The following SESTD1 variants were observed in gnomAD, a reference collection of about 807,000 sequenced individuals.
SESTD1 encodes the protein SEC14 and spectrin domain containing 1, also known as SEC14 domain and spectrin repeat-containing protein 1.
Under a neutral mutation model 101.7 loss-of-function variants are expected in SESTD1, and 43 were observed. The observed-to-expected ratio is 0.42, with a 90% CI of 0.33 to 0.55. SESTD1 has a LOEUF of 0.55. Ranked by LOEUF, SESTD1 falls within the 20% of genes least tolerant of loss-of-function variation. The pLI is 0.07. For synonymous variants in SESTD1, 283 were observed against 286.8 expected (o/e 0.99, Z 0.13); for missense variants, 647 against 815.1 (o/e 0.79, Z 2.51).
intron 16 of SESTD1, among the ~76,000 whole-genome samples, chr2:179,114,626 C>T (rs2044587098): frequency 6.7e-6 from 1 of 148,506 alleles, no homozygotes; most frequent in African/African-American, 2.6e-5. Context: ...TTACTTTTGT[C>T]CTTATTCTTA....
intron 16 of SESTD1, 104 bp downstream of exon 16, chr2:179,114,961 A>G (rs1434196258): frequency 7.3e-6 from 7 of 959,046 alleles, no homozygotes; most frequent in Non-Finnish European, 1.1e-5. Context: ...TAATATAAAT[A>G]TTGAAAAATA....
chr2:179,154,080 CAAAAA>C (rs748598701), intron 5 of SESTD1, among the ~76,000 whole-genome samples: 1 of 60,760 alleles, frequency 1.6e-5, no homozygotes. Context: ...CCAATCTCTA[CAAAAA>C]AAAAAAAAAA....
At chr2:179,144,823 T>A (rs929707475) in intron 8 of SESTD1, among the ~76,000 whole-genome samples, 1 of 151,992 alleles carries the variant, frequency 6.6e-6, no homozygotes. Flanking sequence ...TAGTAGCATA[T>A]AAAATTAAAT....
Position 179,123,614 on chromosome 2 carries a change from TACTA to T in SESTD1, c.1282+97_1282+100del, listed in dbSNP as rs1453422381. On this transcript the variant is annotated intron_variant, in intron 12 of 17. Coordinates refer to ENST00000428443, the MANE Select transcript of SESTD1 (RefSeq NM_178123.5). ...CTATTTTTCTGTTTCCTGAAAATAATACTAATTAGTTCAGTGTAAGTTGACTTAA... is the reference window on the plus strand; with the variant it reads ...CTATTTTTCTGTTTCCTGAAAATAATATTAGTTCAGTGTAAGTTGACTTAA... 8.8e-5 allele frequency: 61 copies of T among 694,802 alleles called. No individual in the cohort carries two copies. In the South Asian group the frequency reaches 1.3e-3, roughly 15 times the overall value. 43.0% of individuals were successfully genotyped at this position (694,802 alleles called of 1,614,324 possible).
intron 1 of SESTD1, among the ~76,000 whole-genome samples, chr2:179,249,957 T>C (rs760613689): frequency 6.1e-5 from 9 of 148,752 alleles, no homozygotes; most frequent in African/African-American, 7.4e-5. Context: ...TGGACTTAAA[T>C]GAAAAGTGAA....
intron 1 of SESTD1, among the ~76,000 whole-genome samples, chr2:179,252,519 G>C (rs10185803): frequency 0.29 from 44,341 of 152,010 alleles, 6,829 homozygotes; most frequent in South Asian, 0.43. Flanking sequence ...CTTCCTATCT[G>C]CTGCCTCAGG....
chr2:179,188,399 G>GT (rs1259794025), intron 2 of SESTD1, among the ~76,000 whole-genome samples: 1 of 152,144 alleles, frequency 6.6e-6, no homozygotes, highest in Non-Finnish European at 1.5e-5. Context: ...GTGATACAAC[G>GT]TATCAAAGTG....
At chr2:179,259,448 T>G (rs369758027) in intron 1 of SESTD1, among the ~76,000 whole-genome samples, 51 of 152,250 alleles carry the variant, frequency 3.3e-4, no homozygotes, top group African/African-American at 1.2e-3. Flanking sequence ...CAGGCTGGTC[T>G]TGAACTCCTG....
At chr2:179,245,782 C>T (rs2047220999) in intron 1 of SESTD1, among the ~76,000 whole-genome samples, 1 of 151,980 alleles carries the variant, frequency 6.6e-6, no homozygotes, top group African/African-American at 2.4e-5. Context: ...AAATGGCAGA[C>T]GTAAGCCCTA....
chr2:179,158,344 C>T (rs1026052604), intron 5 of SESTD1, among the ~76,000 whole-genome samples: 9 of 152,156 alleles, frequency 5.9e-5, no homozygotes, highest in African/African-American at 1.9e-4. Context: ...TCTATCCACA[C>T]TGGTTAGCCT....
At chr2:179,215,158 T>C (rs143478583) in intron 1 of SESTD1, among the ~76,000 whole-genome samples, 10,579 of 133,182 alleles carry the variant, frequency 0.079, 2,378 homozygotes, top group South Asian at 0.21. Context: ...CTGAAGGAGA[T>C]AGAGACACAA....
intron 1 of SESTD1, among the ~76,000 whole-genome samples, chr2:179,260,138 A>C (rs1488798089): frequency 6.6e-6 from 1 of 152,110 alleles, no homozygotes; most frequent in East Asian, 1.9e-4. Flanking sequence ...CATTTTTTTC[A>C]TTTTTGTTAG....
intron 8 of SESTD1, among the ~76,000 whole-genome samples, chr2:179,145,577 T>C (rs113197306): frequency 1.1e-4 from 17 of 152,352 alleles, no homozygotes; most frequent in African/African-American, 3.1e-4. Flanking sequence ...CTCTTAGAGT[T>C]TGTGAAACTG....
At chr2:179,112,653 T>G in intron 17 of SESTD1, 71 bp downstream of exon 17, 1 of 1,464,140 alleles carries the variant, frequency 6.8e-7, no homozygotes, top group Non-Finnish European at 9.0e-7. Flanking sequence ...AAAGAATAGA[T>G]TTCCTCTTTT....
rs181663750 is a variant in SESTD1 at position 179,243,820 on chromosome 2, G to T, written c.-26+20679C>A. 3.7e-3 allele frequency among the ~76,000 whole-genome samples: 561 copies of T among 151,828 alleles called. 5 individuals carry two copies. The highest frequency in any genetic ancestry group is 6.6e-3 in the Non-Finnish European group (448 of 67,916). ...TATTGGGTACTTTACTCACTACCTGGGTGACAGGACCATTCATACCCTAAC... is the reference window on the plus strand; with the variant it reads ...TATTGGGTACTTTACTCACTACCTGTGTGACAGGACCATTCATACCCTAAC... On this transcript the variant is annotated intron_variant, in intron 1 of 17. Transcript: ENST00000428443.
chr2:179,245,515 CAAAAAAAAA>C (rs59103658), intron 1 of SESTD1, among the ~76,000 whole-genome samples: 8 of 45,178 alleles, frequency 1.8e-4, no homozygotes, highest in Non-Finnish European at 3.2e-4. Context: ...GACTCTGTCT[CAAAAAAAAA>C]AAAAAAAAAA....
chr2:179,163,833 C>T (rs778255560), intron 5 of SESTD1, among the ~76,000 whole-genome samples: 1 of 152,058 alleles, frequency 6.6e-6, no homozygotes, highest in Non-Finnish European at 1.5e-5. Flanking sequence ...TTTAATAAAA[C>T]ATTTGTGCAG....
At chr2:179,132,183 A>G in intron 10 of SESTD1, 121 bp downstream of exon 10, 1 of 1,194,734 alleles carries the variant, frequency 8.4e-7, no homozygotes, top group Non-Finnish European at 1.1e-6. Flanking sequence ...TAGGCACTTA[A>G]CAAACTGTAC....
At chr2:179,154,094 A>C (rs2045579935) in intron 5 of SESTD1, among the ~76,000 whole-genome samples, 1 of 151,678 alleles carries the variant, frequency 6.6e-6, no homozygotes, top group Non-Finnish European at 1.5e-5. Flanking sequence ...AAAAAAAAAA[A>C]AAAAGGTGTG....
Sources: gnomAD v4.1 joint callset for allele counts (sites outside exome capture counted in the v4.1 genomes callset) on GRCh38, gnomAD v4.1.1 for gene constraint, MANE v1.5 for transcripts, NCBI Gene and HGNC (gene_info 2026-07-23, HGNC 2026-07-21) for gene names.